LOC128462377: variants seen among roughly 807,000 people sequenced by gnomAD.
At chr16:89,368,375 T>TTTG in the LOC128462377 span, among the ~76,000 whole-genome samples, 4 of 46,950 alleles carry the variant, frequency 8.5e-5, no homozygotes, top group Admixed American at 6.9e-4. Flanking sequence ...TTTTGTGTTT[T>TTTG]TTTTTTTTTT....
the LOC128462377 span, among the ~76,000 whole-genome samples, chr16:89,349,332 T>A: frequency 6.6e-6 from 1 of 151,218 alleles, no homozygotes; most frequent in Non-Finnish European, 1.5e-5. Flanking sequence ...TACCAAAAAT[T>A]AGCCGGGCGT....
chr16:89,325,650 C>G, the LOC128462377 span, among the ~76,000 whole-genome samples: 7 of 152,292 alleles, frequency 4.6e-5, no homozygotes, highest in Admixed American at 2.0e-4. Context: ...GACGGTGAAA[C>G]GGGTTCTAAG....
chr16:89,401,493 T>A, the LOC128462377 span, among the ~76,000 whole-genome samples: 6 of 152,226 alleles, frequency 3.9e-5, no homozygotes, highest in Admixed American at 3.3e-4. Context: ...CCTTATTTTG[T>A]AAAAAGTACA....
At chr16:89,402,708 T>C in the LOC128462377 span, among the ~76,000 whole-genome samples, 1 of 127,834 alleles carries the variant, frequency 7.8e-6, no homozygotes, top group Non-Finnish European at 1.7e-5. Flanking sequence ...CTCTGCGAGG[T>C]TAGGAGAGGG....
the LOC128462377 span, among the ~76,000 whole-genome samples, chr16:89,356,979 T>C: frequency 2.6e-5 from 4 of 152,072 alleles, no homozygotes; most frequent in Middle Eastern, 3.4e-3. Context: ...CTTGGAGGGG[T>C]TGGTGGCTGC....
the LOC128462377 span, chr16:89,361,495 A>G: frequency 6.6e-6 from 1 of 152,234 alleles, no homozygotes; most frequent in Non-Finnish European, 1.5e-5. Context: ...CCATACTTAC[A>G]TATCCCAAGC....
chr16:89,367,035 C>T, the LOC128462377 span, among the ~76,000 whole-genome samples: 1 of 152,190 alleles, frequency 6.6e-6, no homozygotes, highest in South Asian at 2.1e-4. Flanking sequence ...GGCTGGATGC[C>T]CAGCCACGGC....
the LOC128462377 span, among the ~76,000 whole-genome samples, chr16:89,344,785 C>A: frequency 6.6e-6 from 1 of 152,200 alleles, no homozygotes; most frequent in Non-Finnish European, 1.5e-5. Flanking sequence ...GACGTGAGGC[C>A]AGAGGCGGCT....
the LOC128462377 span, among the ~76,000 whole-genome samples, chr16:89,368,402 T>A: frequency 0.076 from 7,215 of 94,632 alleles, 305 homozygotes; most frequent in Middle Eastern, 0.11. Context: ...TTTTTTTTTT[T>A]AGTAGAGATG....
At chr16:89,395,912 T>C in the LOC128462377 span, 3 of 152,180 alleles carry the variant, frequency 2.0e-5, no homozygotes, top group South Asian at 2.1e-4. Flanking sequence ...CTTGTGCATA[T>C]CCTTCATGAC....
the LOC128462377 span, among the ~76,000 whole-genome samples, chr16:89,351,267 C>T: frequency 2.3e-4 from 35 of 152,128 alleles, no homozygotes; most frequent in African/African-American, 4.1e-4. Context: ...CATCACCCCA[C>T]GCCCACAGGC....
At chr16:89,339,759 A>G in the LOC128462377 span, 1 of 152,234 alleles carries the variant, frequency 6.6e-6, no homozygotes, top group Non-Finnish European at 1.5e-5. Flanking sequence ...TAAAAATTAC[A>G]AATTACATAA....
the LOC128462377 span, among the ~76,000 whole-genome samples, chr16:89,329,899 G>C: frequency 6.6e-6 from 1 of 152,004 alleles, no homozygotes; most frequent in Non-Finnish European, 1.5e-5. Context: ...CCAGCTACTT[G>C]GGAGGCTGAG....
the LOC128462377 span, among the ~76,000 whole-genome samples, chr16:89,319,372 G>A: frequency 2.0e-4 from 30 of 152,352 alleles, 1 homozygote; most frequent in African/African-American, 7.0e-4. Context: ...CTCAGGAGGT[G>A]GAGGAAGTGG....
the LOC128462377 span, among the ~76,000 whole-genome samples, chr16:89,382,516 G>C: frequency 6.6e-6 from 1 of 151,542 alleles, no homozygotes; most frequent in Admixed American, 6.6e-5. Context: ...TAATAGAGAC[G>C]GGATTTCACC....
the LOC128462377 span, among the ~76,000 whole-genome samples, chr16:89,345,242 C>T: frequency 1.3e-5 from 2 of 151,652 alleles, no homozygotes; most frequent in Admixed American, 1.3e-4. Flanking sequence ...AAACATATTA[C>T]AAGCCCCCCC....
chr16:89,347,921 T>C, the LOC128462377 span, among the ~76,000 whole-genome samples: 8 of 151,930 alleles, frequency 5.3e-5, no homozygotes, highest in Admixed American at 3.3e-4. Flanking sequence ...ACTTTCCTCA[T>C]GAATAGGTAT....
chr16:89,390,682 C>T, the LOC128462377 span, among the ~76,000 whole-genome samples: 1 of 151,960 alleles, frequency 6.6e-6, no homozygotes, highest in African/African-American at 2.4e-5. Flanking sequence ...GACAGGTTCT[C>T]GGGGAAACAG....
the LOC128462377 span, among the ~76,000 whole-genome samples, chr16:89,337,081 G>A: frequency 5.3e-5 from 8 of 151,196 alleles, no homozygotes; most frequent in Non-Finnish European, 1.2e-4. Flanking sequence ...AGCTATTTGG[G>A]AGGCTGAGAT....
Sources: allele counts gnomAD v4.1 joint callset (sites outside exome capture counted in the v4.1 genomes callset), GRCh38; gene constraint gnomAD v4.1.1; transcripts MANE v1.5.